Variants in TTLL9 observed in about 807,000 individuals in gnomAD.
TTLL9 encodes the protein probable tubulin polyglutamylase TTLL9.
A neutral mutation model predicts 65.6 loss-of-function variants in TTLL9; 47 were observed. The ratio of observed to expected loss-of-function variants is 0.72; its 90% CI spans 0.57 to 0.91. TTLL9 has a LOEUF of 0.91. Ranked by LOEUF, TTLL9 falls within the 40% of genes least tolerant of loss-of-function variation. TTLL9 has a pLI of 0.00. For synonymous variants in TTLL9, 179 were observed against 204.8 expected (o/e 0.87, Z 1.07); for missense variants, 537 against 568.8 (o/e 0.94, Z 0.57).
intron 3 of TTLL9, among the ~76,000 whole-genome samples, chr20:31,888,824 G>C (rs1259777828): frequency 1.3e-5 from 2 of 152,008 alleles, no homozygotes; most frequent in African/African-American, 2.4e-5. Flanking sequence ...GAGGTCCCAG[G>C]CTCTTTTAAA....
chr20:31,909,681 A>T, intron 5 of TTLL9, 56 bp from the exon 6 acceptor site: 1 of 1,546,844 alleles, frequency 6.5e-7, no homozygotes, highest in South Asian at 1.2e-5. Flanking sequence ...TGGGGCTGGG[A>T]GGGGAGCGGG....
chr20:31,904,480 C>A (rs892291538), intron 4 of TTLL9, among the ~76,000 whole-genome samples: 90 of 151,604 alleles, frequency 5.9e-4, no homozygotes, highest in African/African-American at 1.7e-3. Flanking sequence ...ACCTCGGCCC[C>A]CTGAGTAGTT....
At chr20:31,898,266 T>G (rs2063414963) in intron 3 of TTLL9, among the ~76,000 whole-genome samples, 1 of 152,150 alleles carries the variant, frequency 6.6e-6, no homozygotes, top group Non-Finnish European at 1.5e-5. Flanking sequence ...TTGGATACAA[T>G]GATCGTTATT....
intron 6 of TTLL9, among the ~76,000 whole-genome samples, chr20:31,918,098 T>C (rs755302066): frequency 6.6e-6 from 1 of 151,910 alleles, no homozygotes; most frequent in Non-Finnish European, 1.5e-5. Flanking sequence ...CTGGGGCCCA[T>C]TGTATGAGGG....
chr20:31,894,912 T>G lies in TTLL9; in HGVS notation c.114-3561T>G, dbSNP rs1292017785. ...ACCTCCTTCACTGCCGTCTTGAGCT[T>G]GTTAGTATTTGAGCTATGTGGGGCT... is the stretch of plus-strand genomic sequence containing the variant. On this transcript the variant is annotated intron_variant, in intron 3 of 14. Transcript: ENST00000535842. 2.0e-5 allele frequency among the ~76,000 whole-genome samples: 3 copies of G among 152,070 alleles called. No homozygotes were observed. In the East Asian group the frequency reaches 5.8e-4, roughly 29 times the overall value.
chr20:31,885,642 G>A (rs2063178534), intron 2 of TTLL9, among the ~76,000 whole-genome samples: 1 of 152,196 alleles, frequency 6.6e-6, no homozygotes, highest in Non-Finnish European at 1.5e-5. Flanking sequence ...GTTTTGTAAA[G>A]CAGTTTCCTC....
rs2062906700 is a variant in TTLL9 at position 31,870,660 on chromosome 20, A to G, written c.-295A>G. ...GTGTGCCGGGCCCACGGCCCGCGGG[A>G]CAACGGCAGTTTGTTGGGGCCGCGT... On this transcript the variant is annotated 5_prime_UTR_variant, in exon 1 of 15. Transcript: ENST00000535842. This position sits in a 1 kb window ranked among gnomAD's most constrained non-coding sequence, Gnocchi z 6.6. The G allele has an allele frequency of 4.8e-6, 6 of 1,248,256 alleles. No homozygotes were observed. 77.3% of individuals were successfully genotyped at this position (1,248,256 alleles called of 1,614,324 possible).
chr20:31,874,466 C>A (rs1032116190), intron 2 of TTLL9, among the ~76,000 whole-genome samples: 18 of 143,914 alleles, frequency 1.3e-4, no homozygotes, highest in African/African-American at 4.5e-4. Context: ...GGCTGGAGTG[C>A]AATGGTGCAA....
chr20:31,870,964 C>T lies in TTLL9; in HGVS notation c.-6+15C>T. The stretch of plus-strand genomic sequence containing the variant: ...GAACGGGATAAGTGGGTAATTCCTT[C>T]CGATACATCCTCTCCACCCGTGCAG... On this transcript the variant is annotated intron_variant, in intron 1 of 14. Coordinates refer to ENST00000535842, the MANE Select transcript of TTLL9 (RefSeq NM_001008409.5). This position sits in a 1 kb window ranked among gnomAD's most constrained non-coding sequence, Gnocchi z 6.6. The T allele has an allele frequency of 1.4e-6, 1 of 716,222 alleles. No individual in the cohort carries two copies. Among genetic ancestry groups the T allele is most frequent in the Non-Finnish European group, 2.5e-6 (1 of 396,278 alleles). 44.4% of individuals were successfully genotyped at this position (716,222 alleles called of 1,614,324 possible). A position where few individuals can be genotyped will look rare whatever the true frequency, so the allele number is the denominator to read the frequency against.
At chr20:31,917,271 G>A (rs147399349) in intron 6 of TTLL9, among the ~76,000 whole-genome samples, 61 of 152,232 alleles carry the variant, frequency 4.0e-4, no homozygotes, top group Admixed American at 3.3e-4. Flanking sequence ...TCGTAGGTTT[G>A]CTTTGTCTGC....
intron 6 of TTLL9, among the ~76,000 whole-genome samples, chr20:31,916,668 G>C (rs1359072541): frequency 6.6e-6 from 1 of 152,184 alleles, no homozygotes; most frequent in Non-Finnish European, 1.5e-5. Flanking sequence ...CTGTGTGCTG[G>C]CTTTTTGTCA....
Position 31,909,862 on chromosome 20 carries a change from G to A in TTLL9, c.444G>A (p.Glu148=). 1.9e-6 allele frequency: 3 copies of A among 1,610,254 alleles called. No individual in the cohort carries two copies. The highest frequency in any genetic ancestry group is 2.5e-6 in the Non-Finnish European group (3 of 1,177,592). The stretch of plus-strand genomic sequence containing the variant: ...CCAAAACCTTTGAGATGCCTTGCGA[G>A]TACCACCTGTTTGTAGAGGAGTTTC... ...FFPKTFEMPC[E]YHLFVEEFRK... The change falls in exon 6 of 15, where the codon GAG becomes GAA. Residue 148 remains glutamate, a synonymous_variant. Coordinates refer to ENST00000535842, the MANE Select transcript of TTLL9 (RefSeq NM_001008409.5).
chr20:31,924,746 G>C (rs1474408367), intron 8 of TTLL9, among the ~76,000 whole-genome samples: 3 of 152,002 alleles, frequency 2.0e-5, no homozygotes, highest in Non-Finnish European at 2.9e-5. Flanking sequence ...ACCATGCGAG[G>C]CTAATTTTTT....
chr20:31,934,965 G>A, intron 12 of TTLL9, 77 bp downstream of exon 12: 2 of 1,366,654 alleles, frequency 1.5e-6, no homozygotes, highest in South Asian at 2.7e-5. Context: ...TTGAATCCCA[G>A]CTCTGCCAAT....
chr20:31,898,440 T>G (rs2063418359), intron 3 of TTLL9, 33 bp from the exon 4 acceptor site: 2 of 1,600,176 alleles, frequency 1.2e-6, no homozygotes, highest in African/African-American at 2.7e-5. Flanking sequence ...AAATCATTGA[T>G]CCTGAGCAAA....
Position 31,885,854 on chromosome 20 carries a change from AG to A in TTLL9, c.70-1338del, listed in dbSNP as rs201857508. On this transcript the variant is annotated intron_variant, in intron 2 of 14. Coordinates refer to ENST00000535842, the MANE Select transcript of TTLL9 (RefSeq NM_001008409.5). ...AGACTCCATCATAGGTGACTTGGAG[AG>A]GGGAGGATTGGAAGTCAGAGGGACG... is the stretch of plus-strand genomic sequence containing the variant. 5.3e-3 allele frequency among the ~76,000 whole-genome samples: 805 copies of A among 152,264 alleles called. 6 individuals are homozygous for A. Among genetic ancestry groups the A allele is most frequent in the African/African-American group, 0.018 (762 of 41,546 alleles).
chr20:31,914,068 G>A (rs373048127), intron 6 of TTLL9, among the ~76,000 whole-genome samples: 31 of 152,334 alleles, frequency 2.0e-4, no homozygotes, highest in African/African-American at 6.7e-4. Flanking sequence ...GGCAGCGAGC[G>A]TTCTTGGCAA....
In TTLL9 at chr20:31,920,007, C is replaced by G. The variant is rs1240097551; in HGVS notation, c.573+75C>G. ...CAGCAGGAGGGGCCACTCCTTCCTG[C>G]AATCAAAGCTCAGAGGGCTGGCAGA... On this transcript the variant is annotated intron_variant, in intron 7 of 14. Coordinates refer to ENST00000535842, the MANE Select transcript of TTLL9 (RefSeq NM_001008409.5). 3.8e-6 allele frequency: 5 copies of G among 1,329,858 alleles called. No homozygotes were observed. The African/African-American group carries it at 4.6e-5, about 12-fold the overall frequency. 82.4% of individuals were successfully genotyped at this position (1,329,858 alleles called of 1,614,324 possible). A position where few individuals can be genotyped will look rare whatever the true frequency, so the allele number is the denominator to read the frequency against.
At chr20:31,883,280 C>G (rs1423251376) in intron 2 of TTLL9, among the ~76,000 whole-genome samples, 2 of 151,846 alleles carry the variant, frequency 1.3e-5, no homozygotes, top group Non-Finnish European at 2.9e-5. Flanking sequence ...TTACTGCAAG[C>G]TCCACCTCCT....
Sources: allele counts gnomAD v4.1 joint callset (sites outside exome capture counted in the v4.1 genomes callset), GRCh38; gene constraint gnomAD v4.1.1; non-coding constraint Gnocchi (gnomAD v3.1); transcripts MANE v1.5; gene names NCBI Gene and HGNC (gene_info 2026-07-23, HGNC 2026-07-21).